Variants in SESN1 observed in about 807,000 individuals in gnomAD.
SESN1 encodes the protein sestrin 1.
Under a neutral mutation model 59.3 loss-of-function variants are expected in SESN1, and 30 were observed. That is an observed-to-expected ratio of 0.51 (90% CI 0.38 to 0.69). SESN1 has a LOEUF of 0.69. SESN1 is among the 30% of genes least tolerant of loss of function. The pLI is 0.00. For missense variants in SESN1, 566 were observed against 673.0 expected, an observed-to-expected ratio of 0.84 and a Z score of 1.76; for synonymous variants, 197 against 219.9, an observed-to-expected ratio of 0.90 and a Z score of 0.92.
chr6:109,027,224 G>A (rs1780109542), intron 1 of SESN1, among the ~76,000 whole-genome samples: 1 of 151,936 alleles, frequency 6.6e-6, no homozygotes, highest in Non-Finnish European at 1.5e-5. Context: ...TGTAATCCCA[G>A]CACTTTGGGT....
chr6:108,995,275 T>A (rs546786107), intron 5 of SESN1, among the ~76,000 whole-genome samples: 1 of 152,364 alleles, frequency 6.6e-6, no homozygotes, highest in East Asian at 1.9e-4. Flanking sequence ...ATAAATAAGA[T>A]ACACAAAGTA....
chr6:109,039,743 T>C (rs1009890330), intron 1 of SESN1, among the ~76,000 whole-genome samples: 1 of 152,264 alleles, frequency 6.6e-6, no homozygotes, highest in Admixed American at 6.5e-5. Flanking sequence ...ACAAAGTTTC[T>C]AGTAAAAGTT....
intron 1 of SESN1, among the ~76,000 whole-genome samples, chr6:109,057,882 A>G (rs1226426002): frequency 6.6e-6 from 1 of 152,206 alleles, no homozygotes; most frequent in East Asian, 1.9e-4. Context: ...TCTCTTGATG[A>G]TAACCTGCTT....
rs147911715 is a variant in SESN1 at position 109,080,492 on chromosome 6, G to T, written c.279+13303C>A. 6.6e-3 allele frequency among the ~76,000 whole-genome samples: 1,002 copies of T among 152,208 alleles called. 15 individuals are homozygous for T. Among genetic ancestry groups the T allele is most frequent in the African/African-American group, 0.023 (952 of 41,508 alleles). ...AACATAATGAAAATTATACACCACA[G>T]TGAAACATGAAGATTCAGTAGGGTT... On this transcript the variant is annotated intron_variant, in intron 1 of 9. Transcript: ENST00000436639.
chr6:109,082,231 T>C (rs1348250906), intron 1 of SESN1, among the ~76,000 whole-genome samples: 5 of 152,130 alleles, frequency 3.3e-5, no homozygotes, highest in African/African-American at 1.2e-4. Flanking sequence ...AGCTTAAAAC[T>C]TTCTCAGTTG....
At chr6:109,015,045 A>G (rs1779910974) in intron 1 of SESN1, among the ~76,000 whole-genome samples, 1 of 152,184 alleles carries the variant, frequency 6.6e-6, no homozygotes, top group Non-Finnish European at 1.5e-5. Context: ...TATGTATCGA[A>G]TGAACTCTGA....
chr6:109,089,135 CAACT>C (rs1285980699), intron 1 of SESN1, among the ~76,000 whole-genome samples: 2 of 151,960 alleles, frequency 1.3e-5, no homozygotes, highest in Admixed American at 1.3e-4. Flanking sequence ...TCTCCCTTGC[CAACT>C]ACAGCCCTTT....
At chr6:109,023,737 T>C (rs1780044543) in intron 1 of SESN1, among the ~76,000 whole-genome samples, 1 of 152,192 alleles carries the variant, frequency 6.6e-6, no homozygotes, top group Non-Finnish European at 1.5e-5. Context: ...GGTTTGGATC[T>C]AACAAAATAA....
At chr6:109,042,527 T>C (rs1452844303) in intron 1 of SESN1, among the ~76,000 whole-genome samples, 3 of 147,870 alleles carry the variant, frequency 2.0e-5, no homozygotes. Flanking sequence ...CAGAGGATTA[T>C]TGCGAAAAAA....
chr6:109,002,439 G>C, intron 1 of SESN1, 96 bp from the exon 2 acceptor site: 2 of 918,480 alleles, frequency 2.2e-6, no homozygotes, highest in Non-Finnish European at 3.5e-6. Context: ...GTCGAACAGA[G>C]ACAGGCTTGT....
At chr6:109,046,121 C>A (rs1021402119) in intron 1 of SESN1, among the ~76,000 whole-genome samples, 3 of 152,156 alleles carry the variant, frequency 2.0e-5, no homozygotes, top group African/African-American at 7.2e-5. Flanking sequence ...CTCCCTCTCC[C>A]CACGGTCTCC....
intron 1 of SESN1, among the ~76,000 whole-genome samples, chr6:109,057,300 T>A (rs2114450395): frequency 6.6e-6 from 1 of 152,292 alleles, no homozygotes; most frequent in African/African-American, 2.4e-5. Flanking sequence ...ATGCCAGAAA[T>A]ATAGTGATTG....
At chr6:109,046,820 T>C (rs1314455708) in intron 1 of SESN1, among the ~76,000 whole-genome samples, 1 of 135,222 alleles carries the variant, frequency 7.4e-6, no homozygotes, top group African/African-American at 2.7e-5. Flanking sequence ...CCGCCCTGTC[T>C]GAGAAGTGAG....
chr6:109,002,217 G>T (rs1554263209), intron 2 of SESN1, 61 bp downstream of exon 2: 1 of 1,425,588 alleles, frequency 7.0e-7, no homozygotes. Flanking sequence ...CCAACATGTG[G>T]GTCATGAAAG....
chr6:109,051,665 T>C (rs1262039612), intron 1 of SESN1, among the ~76,000 whole-genome samples: 4 of 152,256 alleles, frequency 2.6e-5, no homozygotes, highest in African/African-American at 9.6e-5. Flanking sequence ...AATGTGACAT[T>C]GTCTTACTCC....
chr6:109,085,079 T>C (rs1359024280), intron 1 of SESN1, among the ~76,000 whole-genome samples: 1 of 151,142 alleles, frequency 6.6e-6, no homozygotes, highest in African/African-American at 2.4e-5. Context: ...AGTAACTTTA[T>C]GGTACATGTA....
rs562195643 is a variant in SESN1, at chr6:109,025,001, G to A, written c.280-22658C>T. ...CCGACAGGAGGAGTCTAGGGAGACA[G>A]TGAGCACTAAGGCTGGCAGCTGTGG... On this transcript the variant is annotated intron_variant, in intron 1 of 9. Transcript: ENST00000436639. Among the ~76,000 whole-genome samples, 7 of 152,284 alleles carry A rather than the reference G, an allele frequency of 4.6e-5. No individual in the cohort carries two copies. The South Asian group carries it at 1.5e-3, about 32-fold the overall frequency.
chr6:109,045,511 AACTT>A lies in SESN1; in HGVS notation c.280-43172_280-43169del, dbSNP rs1332261016. Among the ~76,000 whole-genome samples, 6 of 152,354 alleles carry A rather than the reference AACTT, an allele frequency of 3.9e-5. No individual in the cohort carries two copies. The East Asian group carries it at 1.2e-3, about 29-fold the overall frequency. On this transcript the variant is annotated intron_variant, in intron 1 of 9. Coordinates refer to ENST00000436639, the MANE Select transcript of SESN1 (RefSeq NM_014454.3). ...CTATGTCTCCAATGATACTGAGTTC[AACTT>A]ACTTACAGTTCTTCAAACACAGTAA...
At chr6:109,072,850 G>C (rs964241890) in intron 1 of SESN1, among the ~76,000 whole-genome samples, 1 of 151,940 alleles carries the variant, frequency 6.6e-6, no homozygotes, top group African/African-American at 2.4e-5. Context: ...AAGGCAACAC[G>C]ATAGTTGACT....
Sources: gnomAD v4.1 joint callset for allele counts (sites outside exome capture counted in the v4.1 genomes callset) on GRCh38, gnomAD v4.1.1 for gene constraint, MANE v1.5 for transcripts, NCBI Gene and HGNC (gene_info 2026-07-23, HGNC 2026-07-21) for gene names.